The following CRB1 variants were observed in gnomAD, a reference collection of about 807,000 sequenced individuals.
CRB1 encodes the protein protein crumbs homolog 1.
Under a neutral mutation model 120.0 loss-of-function variants are expected in CRB1, and 83 were observed. The ratio of observed to expected loss-of-function variants is 0.69; its 90% confidence interval spans 0.58 to 0.83. CRB1 has a LOEUF of 0.83. Among genes scored for constraint, CRB1 ranks in the 40% least tolerant of loss-of-function variants. CRB1 has a pLI of 0.00. For missense variants in CRB1, 1,699 were observed against 1,687.6 expected, an observed-to-expected ratio of 1.01 and a Z score of -0.12; for synonymous variants, 625 against 612.5, an observed-to-expected ratio of 1.02 and a Z score of -0.30.
chr1:197,316,233 G>A (rs1006869997), intron 1 of CRB1, among the ~76,000 whole-genome samples: 2 of 151,674 alleles, frequency 1.3e-5, no homozygotes, highest in African/African-American at 2.4e-5. Context: ...CGCCCAGGCC[G>A]GACTGCCGTG....
chr1:197,422,557 G>GA (rs567345262), intron 6 of CRB1, among the ~76,000 whole-genome samples: 14 of 146,974 alleles, frequency 9.5e-5, no homozygotes, highest in Admixed American at 1.4e-4. Flanking sequence ...AAAAAAAAAA[G>GA]AAAAAAAAAT....
chr1:197,408,117 CAAATATT>C (rs1294910918), intron 5 of CRB1, among the ~76,000 whole-genome samples: 4 of 151,934 alleles, frequency 2.6e-5, no homozygotes, highest in Admixed American at 6.6e-5. Context: ...AAGTAAATCA[CAAATATT>C]AAAAAAAAGA....
At chr1:197,333,999 T>C (rs556320078) in intron 2 of CRB1, among the ~76,000 whole-genome samples, 1 of 152,252 alleles carries the variant, frequency 6.6e-6, no homozygotes, top group African/African-American at 2.4e-5. Context: ...ACTGGCATTG[T>C]CAACTTAATA....
intron 1 of CRB1, among the ~76,000 whole-genome samples, chr1:197,290,157 C>G (rs931673772): frequency 3.3e-5 from 5 of 151,238 alleles, no homozygotes. Flanking sequence ...CTATGAGTAC[C>G]TTTTGGAACT....
At chr1:197,206,691 G>A in the CRB1 span, among the ~76,000 whole-genome samples, 1 of 152,128 alleles carries the variant, frequency 6.6e-6, no homozygotes, top group African/African-American at 2.4e-5. Context: ...AATGTACCAT[G>A]TGCTGATGAT....
intron 11 of CRB1, among the ~76,000 whole-genome samples, chr1:197,475,278 C>A (rs1667151363): frequency 6.6e-6 from 1 of 152,112 alleles, no homozygotes; most frequent in African/African-American, 2.4e-5. Flanking sequence ...CTACACAAAC[C>A]TCATGTGAAC....
chr1:197,421,749 G>A lies in CRB1; in HGVS notation c.1921G>A (p.Gly641Ser), dbSNP rs1558126931. The A allele has an allele frequency of 6.2e-7, 1 of 1,614,144 alleles. No individual in the cohort carries two copies. The highest frequency in any genetic ancestry group is 8.5e-7 in the Non-Finnish European group (1 of 1,180,042). ...YNMPSTPSFV[G>S]CLQDIKIDWN... The stretch of plus-strand genomic sequence containing the variant: ...TATGCCATCCACACCTTCGTTTGTA[G>A]GCTGTCTCCAAGACATTAAAATTGA... The change falls in exon 6 of 12, where the codon GGC becomes AGC. Residue 641 changes from glycine (G) to serine (S), a missense_variant. Physicochemically the swap from Gly to Ser is moderately conservative, Grantham distance 56. Coordinates refer to ENST00000367400, the MANE Select transcript of CRB1 (RefSeq NM_201253.3).
the CRB1 span, among the ~76,000 whole-genome samples, chr1:197,249,442 A>G: frequency 5.9e-5 from 9 of 151,982 alleles, no homozygotes; most frequent in Non-Finnish European, 1.2e-4. Context: ...TGAGTGAAGG[A>G]GAACAGGAAA....
chr1:197,444,545 T>C (rs1417008863), intron 11 of CRB1: 2 of 152,212 alleles, frequency 1.3e-5, no homozygotes, highest in Non-Finnish European at 2.9e-5. Context: ...TACCTGTACT[T>C]ATGTACTTAC....
the CRB1 span, among the ~76,000 whole-genome samples, chr1:197,260,731 C>T: frequency 6.6e-6 from 1 of 150,546 alleles, no homozygotes; most frequent in African/African-American, 2.4e-5. Context: ...GAATCTCGCT[C>T]TGTCACCCAG....
the CRB1 span, among the ~76,000 whole-genome samples, chr1:197,240,679 G>A: frequency 6.6e-6 from 1 of 152,168 alleles, no homozygotes; most frequent in African/African-American, 2.4e-5. Context: ...AAACATATGT[G>A]TGCATGTGTC....
chr1:197,327,133 C>G (rs1301579931), intron 1 of CRB1, among the ~76,000 whole-genome samples: 4 of 79,552 alleles, frequency 5.0e-5, no homozygotes, highest in Non-Finnish European at 1.1e-4. Flanking sequence ...AAAAAAAAAA[C>G]AGAAACCAAG....
chr1:197,344,581 G>A (rs1558068117), intron 3 of CRB1, 105 bp downstream of exon 3: 6 of 1,090,020 alleles, frequency 5.5e-6, no homozygotes, highest in Non-Finnish European at 8.5e-6. Flanking sequence ...CTTAAAATTT[G>A]GGGTGTAACT....
intron 11 of CRB1, among the ~76,000 whole-genome samples, chr1:197,467,837 A>T (rs1397500159): frequency 6.6e-6 from 1 of 152,218 alleles, no homozygotes; most frequent in Middle Eastern, 3.2e-3. Context: ...TAAGTGGTAT[A>T]AGTCATCAGC....
intron 1 of CRB1, among the ~76,000 whole-genome samples, chr1:197,312,811 AT>A (rs996285521): frequency 6.6e-6 from 1 of 151,302 alleles, no homozygotes; most frequent in African/African-American, 2.4e-5. Context: ...ATCCAGTTAA[AT>A]TTTTTTACAC....
intron 5 of CRB1, among the ~76,000 whole-genome samples, chr1:197,381,882 G>A (rs144550764): frequency 1.3e-5 from 2 of 152,304 alleles, no homozygotes; most frequent in East Asian, 1.9e-4. Flanking sequence ...TTATTGTGAG[G>A]AAGCCAAATA....
chr1:197,449,412 G>A (rs147060384), intron 11 of CRB1, among the ~76,000 whole-genome samples: 2 of 151,968 alleles, frequency 1.3e-5, no homozygotes, highest in East Asian at 3.9e-4. Flanking sequence ...TGTCGCCCAG[G>A]CTGGAGTGCA....
intron 11 of CRB1, among the ~76,000 whole-genome samples, chr1:197,467,981 G>A (rs1248822007): frequency 6.6e-6 from 1 of 152,060 alleles, no homozygotes. Flanking sequence ...CACTTTCCTG[G>A]CACATGAGCT....
chr1:197,325,188 C>G lies in CRB1; in HGVS notation c.71-3234C>G, dbSNP rs562662461. ...GCTATGTCCTGATTAAAGATGTGCCCCTCCTGCACCGCCTCCCTCCCCACC... is the reference window on the plus strand; with the variant it reads ...GCTATGTCCTGATTAAAGATGTGCCGCTCCTGCACCGCCTCCCTCCCCACC... On this transcript the variant is annotated intron_variant, in intron 1 of 11. Transcript: ENST00000367400. 7.2e-5 allele frequency among the ~76,000 whole-genome samples: 11 copies of G among 152,200 alleles called. No homozygotes were observed. The South Asian group carries it at 1.9e-3, about 26-fold the overall frequency.
Sources: gnomAD v4.1 joint callset for allele counts (sites outside exome capture counted in the v4.1 genomes callset) on GRCh38, gnomAD v4.1.1 for gene constraint, MANE v1.5 for transcripts, NCBI Gene and HGNC (gene_info 2026-07-23, HGNC 2026-07-21) for gene names.